Variants in R3HDML observed in about 807,000 individuals in gnomAD.
The protein encoded by R3HDML is R3H domain containing like, also known as peptidase inhibitor R3HDML.
A neutral mutation model predicts 24.2 loss-of-function variants in R3HDML; 21 were observed. The ratio of observed to expected loss-of-function variants is 0.87; its 90% confidence interval spans 0.62 to 1.25. R3HDML has a LOEUF of 1.25. Among genes scored for constraint, R3HDML ranks in the 50% most tolerant of loss-of-function variants. The pLI is 0.00. For synonymous variants in R3HDML, 133 were observed against 131.5 expected (o/e 1.01, Z -0.08); for missense variants, 301 against 340.3 (o/e 0.88, Z 0.91).
At chr20:44,342,214 C>T (rs4812822) in intron 2 of R3HDML, among the ~76,000 whole-genome samples, 73,610 of 152,088 alleles carry the variant, frequency 0.48, 18,284 homozygotes, top group African/African-American at 0.58. Context: ...ATAAGGATGT[C>T]AGAAAAACAA....
chr20:44,344,031 C>G (rs2062779316), intron 3 of R3HDML, among the ~76,000 whole-genome samples: 1 of 152,070 alleles, frequency 6.6e-6, no homozygotes, highest in Admixed American at 6.6e-5. Flanking sequence ...GCCTGTAATC[C>G]CAGCACTTTG....
At position 44,341,267 on chromosome 20, in the gene R3HDML, A is replaced by G; in HGVS notation, c.333A>G (p.Ser111=). The G allele has an allele frequency of 6.2e-7, 1 of 1,614,120 alleles. No individual in the cohort carries two copies. The highest frequency in any genetic ancestry group is 8.5e-7 in the Non-Finnish European group (1 of 1,179,996). ...AGTGCATCTGGGCACATGGGCCTTC[A>G]CAGCTGATGAGATACGTGGGCCAGA... ...ATQCIWAHGP[S]QLMRYVGQNL... The change falls in exon 2 of 5, where the codon TCA becomes TCG. Residue 111 remains serine (S), a synonymous_variant. Transcript: ENST00000217043.
In R3HDML at chr20:44,343,510, G is replaced by C; in HGVS notation, c.513+1G>C. 1 of 1,599,300 alleles carries C rather than the reference G, an allele frequency of 6.3e-7. No individual in the cohort carries two copies. The highest frequency in any genetic ancestry group is 8.5e-7 in the Non-Finnish European group (1 of 1,172,974). ...CCCCACCTGCTCCCATTATACCCAGGTACTCCTCCGTCAGGGCTGAGGGCC... is the reference window on the plus strand; with the variant it reads ...CCCCACCTGCTCCCATTATACCCAGCTACTCCTCCGTCAGGGCTGAGGGCC... On this transcript the variant is annotated splice_donor_variant, in intron 3 of 4. Coordinates refer to ENST00000217043, the MANE Select transcript of R3HDML (RefSeq NM_178491.4). LOFTEE classifies it high-confidence loss of function.
Position 44,345,369 on chromosome 20 carries a change from A to G in R3HDML, c.620A>G (p.Tyr207Cys), listed in dbSNP as rs371327272. The change falls in exon 4 of 5, where the codon TAT becomes TGT. Residue 207 changes from tyrosine to cysteine, a missense_variant. Coordinates refer to ENST00000217043, the MANE Select transcript of R3HDML (RefSeq NM_178491.4). The part of the protein sequence containing the change: ...WHRAAYLVCN[Y>C]AIKGNWIGES... The stretch of plus-strand genomic sequence containing the variant: ...CGGGCGGCATACCTGGTCTGCAACT[A>G]TGCCATTAAGTAAGTGCCTGCACCA... 6.2e-7 allele frequency: 1 copy of G among 1,612,916 alleles called. No homozygotes were observed. The highest frequency in any genetic ancestry group is 8.5e-7 in the Non-Finnish European group (1 of 1,179,340).
intron 4 of R3HDML, among the ~76,000 whole-genome samples, chr20:44,348,173 G>A (rs141954097): frequency 0.016 from 2,505 of 152,162 alleles, 36 homozygotes; most frequent in Non-Finnish European, 0.026. Flanking sequence ...GGGTTCAAAT[G>A]TGTGATCTTA....
chr20:44,348,888 C>T (rs1309190038), intron 4 of R3HDML, among the ~76,000 whole-genome samples: 2 of 152,014 alleles, frequency 1.3e-5, no homozygotes, highest in Admixed American at 1.3e-4. Flanking sequence ...TGGTGGCTCA[C>T]GCCTGTAATC....
chr20:44,340,121 A>C (rs560597586), intron 1 of R3HDML, among the ~76,000 whole-genome samples: 61 of 151,798 alleles, frequency 4.0e-4, no homozygotes, highest in Admixed American at 2.4e-3. Flanking sequence ...CACCCGGCTA[A>C]TTTTTATATT....
intron 4 of R3HDML, among the ~76,000 whole-genome samples, chr20:44,346,536 C>A (rs1258161517): frequency 1.3e-5 from 2 of 152,238 alleles, no homozygotes; most frequent in Non-Finnish European, 2.9e-5. Flanking sequence ...TGCCAATACA[C>A]CAGCCAACTA....
chr20:44,349,412 A>G (rs2146116287), intron 4 of R3HDML, among the ~76,000 whole-genome samples: 1 of 151,312 alleles, frequency 6.6e-6, no homozygotes, highest in South Asian at 2.1e-4. Flanking sequence ...ACCACCACCC[A>G]CTCTCCCCGC....
intron 1 of R3HDML, among the ~76,000 whole-genome samples, chr20:44,339,959 A>G (rs1344662820): frequency 6.6e-6 from 1 of 151,308 alleles, no homozygotes; most frequent in Non-Finnish European, 1.5e-5. Context: ...TTGTATTATC[A>G]TTATTATTTT....
At chr20:44,345,672 C>T (rs1048844828) in intron 4 of R3HDML, among the ~76,000 whole-genome samples, 11 of 151,626 alleles carry the variant, frequency 7.3e-5, no homozygotes, top group African/African-American at 2.7e-4. Flanking sequence ...TCATGGTGAT[C>T]ATCTGTAGTC....
chr20:44,350,646 CT>C lies in R3HDML; in HGVS notation c.630-10del, dbSNP rs771525465. On this transcript the variant is annotated splice_polypyrimidine_tract_variant and intron_variant, in intron 4 of 4. Coordinates refer to ENST00000217043, the MANE Select transcript of R3HDML (RefSeq NM_178491.4). The stretch of plus-strand genomic sequence containing the variant: ...TAATGCTCCTCTGTCTCCCTGGGTC[CT>C]TTTCTCTTCCAGGGGCAACTGGATT... 13 of 1,611,190 alleles carry C rather than the reference CT, an allele frequency of 8.1e-6. No individual in the cohort carries two copies. The highest frequency in any genetic ancestry group is 1.1e-5 in the Non-Finnish European group (13 of 1,178,798).
At chr20:44,346,457 A>G (rs892068552) in intron 4 of R3HDML, among the ~76,000 whole-genome samples, 1 of 152,234 alleles carries the variant, frequency 6.6e-6, no homozygotes, top group Non-Finnish European at 1.5e-5. Flanking sequence ...TCACTGGGAA[A>G]TAGACAGGAT....
At chr20:44,341,594 G>A (rs1370209276) in intron 2 of R3HDML, among the ~76,000 whole-genome samples, 1 of 152,154 alleles carries the variant, frequency 6.6e-6, no homozygotes, top group Non-Finnish European at 1.5e-5. Context: ...TAAGAAAATA[G>A]GATAAGGGGG....
chr20:44,348,397 G>GGCCTTC (rs966465464), intron 4 of R3HDML, among the ~76,000 whole-genome samples: 3 of 151,270 alleles, frequency 2.0e-5, no homozygotes, highest in Admixed American at 1.3e-4. Context: ...GACAGGCTTC[G>GGCCTTC]GCCTTCCCCT....
intron 4 of R3HDML, among the ~76,000 whole-genome samples, chr20:44,346,012 G>C (rs1404664903): frequency 6.6e-6 from 1 of 152,104 alleles, no homozygotes; most frequent in East Asian, 1.9e-4. Flanking sequence ...TAGAGACAAG[G>C]TTTCGCCATG....
At chr20:44,349,063 T>C (rs993852661) in intron 4 of R3HDML, among the ~76,000 whole-genome samples, 2 of 151,140 alleles carry the variant, frequency 1.3e-5, no homozygotes, top group Non-Finnish European at 2.9e-5. Flanking sequence ...GGAGGCGGAG[T>C]CTGCAGTGAC....
At chr20:44,344,612 T>C (rs2062781111) in intron 3 of R3HDML, among the ~76,000 whole-genome samples, 1 of 151,224 alleles carries the variant, frequency 6.6e-6, no homozygotes, top group Non-Finnish European at 1.5e-5. Flanking sequence ...TGAAACCCCA[T>C]CTCTACTAAA....
intron 4 of R3HDML, among the ~76,000 whole-genome samples, chr20:44,350,271 T>G (rs1365391835): frequency 6.6e-6 from 1 of 151,782 alleles, no homozygotes; most frequent in African/African-American, 2.4e-5. Flanking sequence ...CTCAGCACTT[T>G]GGGAGGCTGA....
Sources: gnomAD v4.1 joint callset for allele counts (sites outside exome capture counted in the v4.1 genomes callset) on GRCh38, gnomAD v4.1.1 for gene constraint, MANE v1.5 for transcripts, NCBI Gene and HGNC (gene_info 2026-07-23, HGNC 2026-07-21) for gene names.